The following GRIK2 variants were observed in gnomAD, a reference collection of about 807,000 sequenced individuals.
GRIK2 encodes the protein glutamate ionotropic receptor kainate type subunit 2, also known as glutamate receptor ionotropic, kainate 2.
In GRIK2, 32 loss-of-function variants were observed where a neutral mutation model predicts 100.3. The ratio of observed to expected loss-of-function variants is 0.32; its 90% CI spans 0.24 to 0.43. GRIK2 has a LOEUF of 0.43. GRIK2 is among the 20% of genes least tolerant of loss of function. GRIK2 has a pLI of 1.00. For synonymous variants in GRIK2, 417 were observed against 389.4 expected, an observed-to-expected ratio of 1.07 and a Z score of -0.83; for missense variants, 843 against 1,114.9, an observed-to-expected ratio of 0.76 and a Z score of 3.47.
At chr6:101,627,090 T>C (rs993412712) in intron 4 of GRIK2, among the ~76,000 whole-genome samples, 1 of 141,868 alleles carries the variant, frequency 7.0e-6, no homozygotes, top group Non-Finnish European at 1.5e-5. Flanking sequence ...TATTGAATAA[T>C]GTGTGTGTGT....
At chr6:101,546,711 A>G (rs1039128318) in intron 2 of GRIK2, among the ~76,000 whole-genome samples, 4 of 151,832 alleles carry the variant, frequency 2.6e-5, no homozygotes, top group Non-Finnish European at 5.9e-5. Flanking sequence ...ATATTGTTCT[A>G]TAATATTATC....
chr6:101,621,988 C>A lies in GRIK2; in HGVS notation c.155C>A (p.Ala52Asp), dbSNP rs1414428659. The change falls in exon 3 of 17, where the codon GCT becomes GAT. Residue 52 changes from alanine to aspartate, a missense_variant. Ala to Asp is a moderately radical substitution (Grantham distance 126). This residue lies in a region of GRIK2 where 519 missense variants were observed against 643.8 expected (regional missense o/e 0.81). Coordinates refer to ENST00000369134, the MANE Select transcript of GRIK2 (RefSeq NM_021956.5). ...FEYVESGPMGAEELAFRFAVN... is the reference protein window; with the variant it reads ...FEYVESGPMGDEELAFRFAVN... ...TATGTGGAATCTGGCCCAATGGGAG[C>A]TGAGGAACTTGCATTCAGATTTGCT... 1 of 1,609,842 alleles carries A rather than the reference C, an allele frequency of 6.2e-7. No homozygotes were observed. Among genetic ancestry groups the A allele is most frequent in the East Asian group, 2.2e-5 (1 of 44,732 alleles).
chr6:101,573,121 C>T (rs1052012617), intron 2 of GRIK2, among the ~76,000 whole-genome samples: 1 of 152,044 alleles, frequency 6.6e-6, no homozygotes, highest in Non-Finnish European at 1.5e-5. Flanking sequence ...GCTGGAATTA[C>T]AGGGGTGAGC....
intron 10 of GRIK2, among the ~76,000 whole-genome samples, chr6:101,823,876 G>A (rs74381993): frequency 8.6e-6 from 1 of 116,920 alleles, no homozygotes; most frequent in Non-Finnish European, 1.8e-5. Flanking sequence ...TTTTTTTTTT[G>A]TTTTTTTTTT....
chr6:101,543,057 T>C (rs1446742178), intron 2 of GRIK2, among the ~76,000 whole-genome samples: 1 of 152,128 alleles, frequency 6.6e-6, no homozygotes, highest in Non-Finnish European at 1.5e-5. Context: ...TTTTGTAATA[T>C]ATGCTTAGGA....
chr6:101,422,489 T>G (rs17061926), intron 2 of GRIK2, among the ~76,000 whole-genome samples: 1,973 of 152,238 alleles, frequency 0.013, 34 homozygotes, highest in African/African-American at 0.045. Context: ...GAAGCTAATT[T>G]GGAGCATCAT....
intron 14 of GRIK2, among the ~76,000 whole-genome samples, chr6:101,984,099 G>T (rs890689982): frequency 3.3e-5 from 5 of 151,630 alleles, no homozygotes; most frequent in Non-Finnish European, 5.9e-5. Flanking sequence ...AAAGTAACTT[G>T]TAATAAGTTT....
At chr6:101,819,259 T>C (rs1308655811) in intron 10 of GRIK2, among the ~76,000 whole-genome samples, 2 of 152,146 alleles carry the variant, frequency 1.3e-5, no homozygotes, top group African/African-American at 4.8e-5. Context: ...AGGTAGTCAG[T>C]AAAAATTGAG....
intron 2 of GRIK2, among the ~76,000 whole-genome samples, chr6:101,613,774 A>C (rs1779782740): frequency 6.6e-6 from 1 of 151,498 alleles, no homozygotes; most frequent in Non-Finnish European, 1.5e-5. Flanking sequence ...AAAAAAAAAA[A>C]AACTAGAAAA....
At position 101,624,170 on chromosome 6, in the gene GRIK2, T is replaced by C. The variant is rs548981146; in HGVS notation, c.283+2054T>C. On this transcript the variant is annotated intron_variant, in intron 3 of 16. Transcript: ENST00000369134. ...TGAATTATTGTTTGAATCATATATT[T>C]TTAAATAACTCTTCTGATAACCGAA... Among the ~76,000 whole-genome samples the C allele has an allele frequency of 2.5e-3, 381 of 152,210 alleles. 2 individuals carry two copies. The highest frequency in any genetic ancestry group is 8.8e-3 in the African/African-American group (364 of 41,564).
chr6:101,491,417 T>G (rs1773104526), intron 2 of GRIK2, among the ~76,000 whole-genome samples: 1 of 152,040 alleles, frequency 6.6e-6, no homozygotes, highest in Non-Finnish European at 1.5e-5. Context: ...CCTAGAAATT[T>G]GGCCGAAGCA....
In GRIK2 at chr6:102,039,272, T is replaced by C. The variant is rs9498823; in HGVS notation, c.2311+3706T>C. On this transcript the variant is annotated intron_variant, in intron 15 of 16. Coordinates refer to ENST00000369134, the MANE Select transcript of GRIK2 (RefSeq NM_021956.5). ...GGAGCAATCAACAATGATGTGAAAG[T>C]AAATGCTAAATAAGCTTAAGCAGGT... is the stretch of plus-strand genomic sequence containing the variant. Among the ~76,000 whole-genome samples, 460 of 151,636 alleles carry C rather than the reference T, an allele frequency of 3.0e-3. 2 individuals are homozygous for C. The highest frequency in any genetic ancestry group is 0.011 in the African/African-American group (445 of 41,488).
intron 2 of GRIK2, among the ~76,000 whole-genome samples, chr6:101,546,360 T>C (rs997326900): frequency 2.0e-5 from 3 of 152,210 alleles, no homozygotes; most frequent in African/African-American, 4.8e-5. Context: ...CTGATACCTT[T>C]ATGTTGGCCT....
rs799534 is a variant in GRIK2, at chr6:101,613,190, G to A, written c.116-8759G>A. Among the ~76,000 whole-genome samples the A allele has an allele frequency of 6.5e-3, 981 of 151,798 alleles. 15 individuals carry two copies. Among genetic ancestry groups the A allele is most frequent in the African/African-American group, 0.023 (955 of 41,478 alleles). Reference sequence around the variant, plus strand: ...TTTACAGTGACATTCCTGTAGAAATGATGGGAATCTATAAACTGTTAGCTA... The same window carrying A: ...TTTACAGTGACATTCCTGTAGAAATAATGGGAATCTATAAACTGTTAGCTA... On this transcript the variant is annotated intron_variant, in intron 2 of 16. Coordinates refer to ENST00000369134, the MANE Select transcript of GRIK2 (RefSeq NM_021956.5).
intron 16 of GRIK2, among the ~76,000 whole-genome samples, chr6:102,066,436 A>G (rs1772020694): frequency 6.6e-6 from 1 of 151,608 alleles, no homozygotes; most frequent in South Asian, 2.1e-4. Context: ...GAAAAACAGG[A>G]TAATGAGTGG....
chr6:101,598,885 T>G (rs908693803), intron 2 of GRIK2, among the ~76,000 whole-genome samples: 1 of 151,590 alleles, frequency 6.6e-6, no homozygotes, highest in African/African-American at 2.4e-5. Flanking sequence ...TTCACTATTT[T>G]TCAACATTAA....
chr6:101,569,310 G>A (rs1777428006), intron 2 of GRIK2, among the ~76,000 whole-genome samples: 1 of 151,744 alleles, frequency 6.6e-6, no homozygotes. Flanking sequence ...AATGCTAACA[G>A]TCTCAAAAGG....
At chr6:101,744,038 G>T (rs534766955) in intron 7 of GRIK2, among the ~76,000 whole-genome samples, 13 of 152,074 alleles carry the variant, frequency 8.5e-5, no homozygotes, top group Non-Finnish European at 1.3e-4. Flanking sequence ...CACCTCCCAG[G>T]TTCACACCAT....
At position 101,715,109 on chromosome 6, in the gene GRIK2, A is replaced by C. The variant is rs1392927191; in HGVS notation, c.951+28756A>C. Among the ~76,000 whole-genome samples the C allele has an allele frequency of 3.3e-5, 5 of 151,902 alleles. No homozygotes were observed. The East Asian group carries it at 5.8e-4, about 18-fold the overall frequency. On this transcript the variant is annotated intron_variant, in intron 7 of 16. Coordinates refer to ENST00000369134, the MANE Select transcript of GRIK2 (RefSeq NM_021956.5). ...GCTTTGCCTGAAGTGTTATAAGTAA[A>C]ATTTAGAAATGTTCATAAAGATTAT...
Sources: gnomAD v4.1 joint callset for allele counts (sites outside exome capture counted in the v4.1 genomes callset) on GRCh38, gnomAD v4.1.1 for gene constraint, gnomAD v4.1.1 regional missense constraint, MANE v1.5 for transcripts, NCBI Gene and HGNC (gene_info 2026-07-23, HGNC 2026-07-21) for gene names.